The following CACNA2D3 variants were observed in gnomAD, a reference collection of about 807,000 sequenced individuals.
The protein encoded by CACNA2D3 is calcium voltage-gated channel auxiliary subunit alpha2delta 3.
In CACNA2D3, 60 loss-of-function variants were observed where a neutral mutation model predicts 160.6. That is an observed-to-expected ratio of 0.37 (90% CI 0.30 to 0.46). The LOEUF is 0.46. Ranked by LOEUF, CACNA2D3 falls within the 20% of genes least tolerant of loss-of-function variation. CACNA2D3 has a pLI of 1.00. For synonymous variants in CACNA2D3, 558 were observed against 492.9 expected, an observed-to-expected ratio of 1.13 and a Z score of -1.75; for missense variants, 1,205 against 1,365.0, an observed-to-expected ratio of 0.88 and a Z score of 1.85.
At chr3:54,469,963 C>A (rs550851121) in intron 4 of CACNA2D3, among the ~76,000 whole-genome samples, 1 of 152,114 alleles carries the variant, frequency 6.6e-6, no homozygotes, top group Non-Finnish European at 1.5e-5. Flanking sequence ...GACTGATGTA[C>A]CTGAAAGTGA....
intron 12 of CACNA2D3, among the ~76,000 whole-genome samples, chr3:54,759,543 A>C (rs1702042842): frequency 6.6e-6 from 1 of 151,816 alleles, no homozygotes. Flanking sequence ...AATGTGCATA[A>C]GCTTTGCAGC....
intron 35 of CACNA2D3, among the ~76,000 whole-genome samples, chr3:55,021,169 T>C (rs1703437168): frequency 6.6e-6 from 1 of 152,206 alleles, no homozygotes; most frequent in African/African-American, 2.4e-5. Context: ...TTTACAACTA[T>C]GAAATTAGTT....
chr3:54,684,860 C>G (rs888730133), intron 11 of CACNA2D3, among the ~76,000 whole-genome samples: 3 of 152,114 alleles, frequency 2.0e-5, no homozygotes, highest in African/African-American at 7.2e-5. Flanking sequence ...TGGTGTGATT[C>G]TCAGTCATAT....
intron 3 of CACNA2D3, among the ~76,000 whole-genome samples, chr3:54,372,500 G>A (rs766819849): frequency 3.9e-5 from 6 of 152,128 alleles, no homozygotes; most frequent in Non-Finnish European, 7.3e-5. Context: ...GTACAGGTGA[G>A]CATTGTATAG....
chr3:54,722,300 C>T (rs1229183325), intron 11 of CACNA2D3, among the ~76,000 whole-genome samples: 3 of 152,254 alleles, frequency 2.0e-5, no homozygotes, highest in South Asian at 2.1e-4. Flanking sequence ...TTCTAGTAAG[C>T]GATTCGTCTA....
Position 54,814,138 on chromosome 3 carries a change from G to A in CACNA2D3, c.1381-2715G>A, listed in dbSNP as rs374293282. Among the ~76,000 whole-genome samples, 14 of 152,166 alleles carry A rather than the reference G, an allele frequency of 9.2e-5. No homozygotes were observed. In the South Asian group the frequency reaches 2.9e-3, roughly 32 times the overall value. ...CCCAACTTGACTTCCCAAAGTTCTG[G>A]GATCACAGGTGTGAGCCACTGCACC... On this transcript the variant is annotated intron_variant, in intron 13 of 37. Transcript: ENST00000474759.
At chr3:54,280,068 G>GTTTA (rs71617794) in intron 2 of CACNA2D3, among the ~76,000 whole-genome samples, 7,621 of 135,394 alleles carry the variant, frequency 0.056, 218 homozygotes, top group Middle Eastern at 0.1. Context: ...TTGTTTGTTT[G>GTTTA]TTTATTTATT....
intron 2 of CACNA2D3, 130 bp downstream of exon 2, chr3:54,123,724 C>T: frequency 1.3e-6 from 1 of 771,886 alleles, no homozygotes. Flanking sequence ...CCCCGGGTTT[C>T]TTGGCATTGT....
At chr3:54,744,862 A>C (rs554293253) in intron 11 of CACNA2D3, among the ~76,000 whole-genome samples, 1 of 152,302 alleles carries the variant, frequency 6.6e-6, no homozygotes, top group African/African-American at 2.4e-5. Flanking sequence ...CACCAATGTG[A>C]GGTGGGTGGG....
intron 31 of CACNA2D3, among the ~76,000 whole-genome samples, chr3:54,989,288 A>T (rs556908683): frequency 1.3e-5 from 2 of 152,166 alleles, no homozygotes; most frequent in Admixed American, 6.5e-5. Context: ...TGGGAGAAAG[A>T]GAAAGGGTGT....
chr3:54,858,444 C>T (rs989570905), intron 17 of CACNA2D3, among the ~76,000 whole-genome samples: 1 of 152,220 alleles, frequency 6.6e-6, no homozygotes, highest in African/African-American at 2.4e-5. Context: ...ACACTCTCCT[C>T]TTCCATCTGT....
At chr3:54,565,010 G>A (rs780414744) in intron 6 of CACNA2D3, among the ~76,000 whole-genome samples, 1 of 152,058 alleles carries the variant, frequency 6.6e-6, no homozygotes, top group Non-Finnish European at 1.5e-5. Context: ...TGATCTCCTC[G>A]TAATGGGGAA....
At chr3:54,440,661 G>A (rs1575456002) in intron 4 of CACNA2D3, among the ~76,000 whole-genome samples, 1 of 151,952 alleles carries the variant, frequency 6.6e-6, no homozygotes, top group South Asian at 2.1e-4. Context: ...AACAGGCCCT[G>A]GTGTGCGATA....
In CACNA2D3 at chr3:54,124,519, TGTTAA is replaced by T. The variant is rs372597971; in HGVS notation, c.204+931_204+935del. Among the ~76,000 whole-genome samples, 25 of 152,324 alleles carry T rather than the reference TGTTAA, an allele frequency of 1.6e-4. 1 individual carries two copies. In the South Asian group the frequency reaches 2.1e-3, roughly 13 times the overall value. On this transcript the variant is annotated intron_variant, in intron 2 of 37. Transcript: ENST00000474759. ...GAAAATGGGTACAAACAGCTTAAAT[TGTTAA>T]GTTAACTTTTAAACATTTTAAAATA...
intron 30 of CACNA2D3, among the ~76,000 whole-genome samples, chr3:54,984,988 G>A (rs978981080): frequency 1.3e-4 from 20 of 152,160 alleles, no homozygotes; most frequent in Admixed American, 9.8e-4. Context: ...CTTTTGCCTC[G>A]AGGGTGGGGT....
intron 35 of CACNA2D3, among the ~76,000 whole-genome samples, chr3:55,020,336 T>C (rs187234326): frequency 6.0e-5 from 9 of 149,692 alleles, no homozygotes; most frequent in Admixed American, 5.4e-4. Flanking sequence ...ATATCGTATG[T>C]ATGTATTATT....
chr3:54,964,677 A>G lies in CACNA2D3; in HGVS notation c.2450-3773A>G, dbSNP rs570830849. Among the ~76,000 whole-genome samples the G allele has an allele frequency of 5.3e-5, 8 of 152,262 alleles. No individual in the cohort carries two copies. The East Asian group carries it at 1.5e-3, about 29-fold the overall frequency. ...GAAAAGAAAAATGTGGACCAAAACT[A>G]AGGAAAATAGTGAAAGGAAGCTACA... On this transcript the variant is annotated intron_variant, in intron 27 of 37. Transcript: ENST00000474759.
intron 2 of CACNA2D3, among the ~76,000 whole-genome samples, chr3:54,286,359 T>G (rs1030941872): frequency 6.6e-6 from 1 of 151,686 alleles, no homozygotes; most frequent in Admixed American, 6.6e-5. Flanking sequence ...TGAAATGAAG[T>G]GAGAAGGGAA....
At chr3:54,145,109 A>G (rs1700000961) in intron 2 of CACNA2D3, among the ~76,000 whole-genome samples, 1 of 152,320 alleles carries the variant, frequency 6.6e-6, no homozygotes, top group South Asian at 2.1e-4. Context: ...AAGATAGACC[A>G]AGATCTAAGT....
Sources: allele counts gnomAD v4.1 joint callset (sites outside exome capture counted in the v4.1 genomes callset), GRCh38; gene constraint gnomAD v4.1.1; transcripts MANE v1.5; gene names NCBI Gene and HGNC (gene_info 2026-07-23, HGNC 2026-07-21).